PSD3: variants seen among roughly 807,000 people sequenced by gnomAD.
PSD3 encodes the protein pleckstrin and Sec7 domain containing 3.
PSD3 carries 49 observed loss-of-function variants against 105.5 expected under a neutral mutation model. The observed-to-expected ratio is 0.46, with a 90% confidence interval of 0.37 to 0.59. The LOEUF is 0.59. Ranked by LOEUF, PSD3 falls within the 20% of genes least tolerant of loss-of-function variation. The pLI, the probability that PSD3 is intolerant of heterozygous loss-of-function variation, is 0.00. For missense variants in PSD3, 1,561 were observed against 1,263.8 expected (o/e 1.24, Z -3.57); for synonymous variants, 557 against 457.8 (o/e 1.22, Z -2.77).
rs1213755572 is a variant in PSD3 at position 18,949,221 on chromosome 8, C to CAAAAAA, written c.22-13085_22-13080dup. 2.0e-3 allele frequency among the ~76,000 whole-genome samples: 24 copies of CAAAAAA among 11,900 alleles called. 3 individuals carry two copies. Among genetic ancestry groups the CAAAAAA allele is most frequent in the East Asian group, 9.1e-3 (2 of 220 alleles). The allele number at this position is 11,900 out of a possible 152,430, so 7.8% of individuals were successfully genotyped here. ...TGGGCTACAGATCGAGACTCTGTCTCAAAAAAAAAAAAAAAAAAAAAAAAT... is the reference window on the plus strand; with the variant it reads ...TGGGCTACAGATCGAGACTCTGTCTCAAAAAAAAAAAAAAAAAAAAAAAAAAAAAAT... On this transcript the variant is annotated intron_variant, in intron 1 of 15. Coordinates refer to ENST00000327040, the MANE Select transcript of PSD3 (RefSeq NM_015310.4).
At chr8:18,959,109 C>T (rs28429199) in intron 1 of PSD3, among the ~76,000 whole-genome samples, 46,590 of 151,782 alleles carry the variant, frequency 0.31, 7,606 homozygotes, top group Middle Eastern at 0.51. Context: ...TTAGTAGAGA[C>T]GGCATTTCAC....
intron 1 of PSD3, among the ~76,000 whole-genome samples, chr8:18,949,495 T>C (rs895319258): frequency 1.3e-5 from 2 of 151,816 alleles, no homozygotes; most frequent in Admixed American, 6.6e-5. Context: ...ATATAATCAT[T>C]GCATTAATTT....
intron 10 of PSD3, among the ~76,000 whole-genome samples, chr8:18,653,740 G>A (rs1182697597): frequency 6.7e-6 from 1 of 150,350 alleles, no homozygotes; most frequent in Non-Finnish European, 1.5e-5. Flanking sequence ...ACCTATAAAT[G>A]AATAAATAAA....
rs1817061394 is a variant in PSD3 at position 18,867,897 on chromosome 8, A to G, written c.1411T>C (p.Tyr471His). 1 of 1,614,064 alleles carries G rather than the reference A, an allele frequency of 6.2e-7. No individual in the cohort carries two copies. Among genetic ancestry groups the G allele is most frequent in the African/African-American group, 1.3e-5 (1 of 74,926 alleles). Residue 471 changes from tyrosine to histidine, a missense_variant, in exon 4 of 16, where the codon TAT (tyrosine) becomes CAT (histidine). Transcript: ENST00000327040. ...LETLYSEPDS[Y>H]FSFEMPLTPM... Reference sequence around the variant, plus strand: ...GTGAGGGGCATTTCAAAGCTAAAATAGCTATCAGGCTCTGAGTATAATGTC... The same window carrying G: ...GTGAGGGGCATTTCAAAGCTAAAATGGCTATCAGGCTCTGAGTATAATGTC...
At chr8:18,653,989 T>C (rs1169217603) in intron 10 of PSD3, among the ~76,000 whole-genome samples, 1 of 152,184 alleles carries the variant, frequency 6.6e-6, no homozygotes, top group African/African-American at 2.4e-5. Flanking sequence ...AATTTTCCTA[T>C]GAAACCCACT....
chr8:19,010,087 T>G (rs1191864033), intron 1 of PSD3, among the ~76,000 whole-genome samples: 3 of 152,240 alleles, frequency 2.0e-5, no homozygotes, highest in Admixed American at 6.5e-5. Context: ...ATTATTCTGA[T>G]TCATCTCACT....
chr8:18,803,295 A>G (rs1183125328), intron 6 of PSD3: 2 of 163,636 alleles, frequency 1.2e-5, no homozygotes, highest in African/African-American at 4.9e-5. Flanking sequence ...TCCAAAAAAA[A>G]AAAAAAAAAA....
At chr8:18,602,515 A>G (rs114982357) in intron 11 of PSD3, among the ~76,000 whole-genome samples, 2,295 of 152,192 alleles carry the variant, frequency 0.015, 54 homozygotes, top group African/African-American at 0.053. Flanking sequence ...GAAACAACCT[A>G]TAATCCTCCC....
intron 14 of PSD3, 90 bp from the exon 15 acceptor site, chr8:18,556,442 A>T: frequency 7.3e-7 from 1 of 1,370,550 alleles, no homozygotes; most frequent in Non-Finnish European, 1.0e-6. Context: ...CCTGTGCTGA[A>T]TGACTTTAAT....
At chr8:18,840,015 T>C (rs1254114941) in intron 4 of PSD3, among the ~76,000 whole-genome samples, 1 of 152,202 alleles carries the variant, frequency 6.6e-6, no homozygotes, top group Non-Finnish European at 1.5e-5. Flanking sequence ...CATTATTACA[T>C]GGAGGAACAA....
At chr8:18,570,995 G>T (rs1802100434) in intron 14 of PSD3, among the ~76,000 whole-genome samples, 1 of 151,994 alleles carries the variant, frequency 6.6e-6, no homozygotes, top group Non-Finnish European at 1.5e-5. Context: ...AAGTAGCTGG[G>T]ATTACAGTCA....
chr8:18,630,605 A>C (rs1460190204), intron 11 of PSD3, among the ~76,000 whole-genome samples: 1 of 151,992 alleles, frequency 6.6e-6, no homozygotes, highest in Non-Finnish European at 1.5e-5. Flanking sequence ...AAATACTCCG[A>C]ATAAGTGATA....
chr8:18,746,575 C>G (rs927792186), intron 9 of PSD3, among the ~76,000 whole-genome samples: 5 of 152,182 alleles, frequency 3.3e-5, no homozygotes, highest in Admixed American at 6.5e-5. Context: ...AATTCTGCAT[C>G]AGTAATAGTT....
intron 4 of PSD3, among the ~76,000 whole-genome samples, chr8:18,815,629 C>G (rs932890465): frequency 1.3e-5 from 2 of 152,050 alleles, no homozygotes; most frequent in Non-Finnish European, 2.9e-5. Context: ...CAAATTCTTA[C>G]GACACCTTTT....
intron 10 of PSD3, among the ~76,000 whole-genome samples, chr8:18,641,513 G>C (rs565942200): frequency 6.6e-6 from 1 of 152,184 alleles, no homozygotes; most frequent in Non-Finnish European, 1.5e-5. Flanking sequence ...CAGAGAGGAG[G>C]GAAGAGTCTG....
At chr8:18,630,855 C>G (rs60987977) in intron 11 of PSD3, among the ~76,000 whole-genome samples, 2,039 of 151,748 alleles carry the variant, frequency 0.013, 43 homozygotes, top group African/African-American at 0.047. Flanking sequence ...CAACTATTTA[C>G]ACAGTATTAG....
intron 1 of PSD3, among the ~76,000 whole-genome samples, chr8:18,955,472 C>A (rs1159356099): frequency 6.6e-6 from 1 of 152,096 alleles, no homozygotes; most frequent in Non-Finnish European, 1.5e-5. Context: ...ATATTACTTT[C>A]TTGGCTATAT....
chr8:19,051,880 G>A (rs1318795882), intron 1 of PSD3, among the ~76,000 whole-genome samples: 4 of 152,198 alleles, frequency 2.6e-5, no homozygotes, highest in South Asian at 2.1e-4. Flanking sequence ...TAGCTCAGGC[G>A]TGAAGAAATT....
chr8:18,752,689 A>G (rs1482641379), intron 9 of PSD3, among the ~76,000 whole-genome samples: 1 of 110,568 alleles, frequency 9.0e-6, no homozygotes, highest in Non-Finnish European at 1.8e-5. Flanking sequence ...ATATAATCAT[A>G]TATGATATAA....
Sources: allele counts gnomAD v4.1 joint callset (sites outside exome capture counted in the v4.1 genomes callset), GRCh38; gene constraint gnomAD v4.1.1; transcripts MANE v1.5; gene names NCBI Gene and HGNC (gene_info 2026-07-23, HGNC 2026-07-21).